ENOX1: variants seen among roughly 807,000 people sequenced by gnomAD.
ENOX1 encodes candidate growth-related and time keeping constitutive hydroquinone (NADH) oxidase.
In ENOX1, 42 loss-of-function variants were observed where a neutral mutation model predicts 82.5. The observed-to-expected ratio is 0.51, with a 90% CI of 0.40 to 0.66. The LOEUF (loss-of-function observed/expected upper bound fraction) is 0.66. Ranked by LOEUF, ENOX1 falls within the 30% of genes least tolerant of loss-of-function variation. The probability of loss-of-function intolerance (pLI) is 0.00; values close to 1 mark genes in which losing one functional copy is unlikely to be tolerated. For missense variants in ENOX1, 608 were observed against 811.6 expected (o/e 0.75, Z 3.05); for synonymous variants, 271 against 282.2 (o/e 0.96, Z 0.40).
chr13:43,341,190 G>C (rs931719473), intron 9 of ENOX1, among the ~76,000 whole-genome samples: 4 of 151,966 alleles, frequency 2.6e-5, no homozygotes, highest in Non-Finnish European at 1.5e-5. Context: ...CCAGCTACTC[G>C]GGAGGCTGAG....
chr13:43,409,435 A>C (rs1477705732), intron 5 of ENOX1, among the ~76,000 whole-genome samples: 4 of 152,210 alleles, frequency 2.6e-5, no homozygotes, highest in African/African-American at 9.6e-5. Flanking sequence ...AGAAAGGAGA[A>C]AGAAAGAAAT....
intron 1 of ENOX1, among the ~76,000 whole-genome samples, chr13:43,730,678 A>C (rs551181081): frequency 2.0e-5 from 3 of 152,230 alleles, no homozygotes; most frequent in Admixed American, 2.0e-4. Flanking sequence ...GACAAAGCCC[A>C]AACTCCCTAG....
chr13:43,418,473 A>G (rs1441025845), intron 3 of ENOX1, among the ~76,000 whole-genome samples: 1 of 152,182 alleles, frequency 6.6e-6, no homozygotes, highest in Non-Finnish European at 1.5e-5. Flanking sequence ...GGTTGCAGTG[A>G]GCTGAGATTG....
At chr13:43,389,472 T>A (rs2153580737) in intron 5 of ENOX1, among the ~76,000 whole-genome samples, 1 of 152,314 alleles carries the variant, frequency 6.6e-6, no homozygotes, top group Non-Finnish European at 1.5e-5. Flanking sequence ...AAATTTAAAA[T>A]ATGCATTCCT....
chr13:43,590,450 C>A (rs531384511), intron 2 of ENOX1, among the ~76,000 whole-genome samples: 2 of 152,158 alleles, frequency 1.3e-5, no homozygotes, highest in African/African-American at 4.8e-5. Context: ...ACATGGTGAA[C>A]ATAAAACCCA....
chr13:43,324,906 A>T (rs1237922242), intron 10 of ENOX1, among the ~76,000 whole-genome samples: 1 of 152,234 alleles, frequency 6.6e-6, no homozygotes, highest in Admixed American at 6.5e-5. Flanking sequence ...CATTCTAATG[A>T]TGGCCTTTTT....
intron 2 of ENOX1, among the ~76,000 whole-genome samples, chr13:43,607,843 T>A (rs997878663): frequency 6.6e-6 from 1 of 152,180 alleles, no homozygotes; most frequent in Non-Finnish European, 1.5e-5. Flanking sequence ...TGGGTAGATA[T>A]AAGGATTCTC....
chr13:43,688,428 T>G (rs142903837), intron 1 of ENOX1, among the ~76,000 whole-genome samples: 1 of 152,098 alleles, frequency 6.6e-6, no homozygotes, highest in East Asian at 1.9e-4. Flanking sequence ...ATTGACCAGA[T>G]GAGAGGTTGG....
At chr13:43,778,185 A>G (rs1421816489) in intron 1 of ENOX1, among the ~76,000 whole-genome samples, 1 of 152,268 alleles carries the variant, frequency 6.6e-6, no homozygotes, top group African/African-American at 2.4e-5. Context: ...TAGTATTCCT[A>G]CATGGGACAA....
At chr13:43,620,373 G>A (rs1244672732) in intron 2 of ENOX1, among the ~76,000 whole-genome samples, 2 of 152,012 alleles carry the variant, frequency 1.3e-5, no homozygotes, top group Non-Finnish European at 2.9e-5. Flanking sequence ...TCTTTTTGAT[G>A]TAGGGGTTTT....
chr13:43,777,268 G>C (rs536280879), intron 1 of ENOX1, among the ~76,000 whole-genome samples: 40 of 152,240 alleles, frequency 2.6e-4, no homozygotes, highest in African/African-American at 9.1e-4. Context: ...TTACAATTAA[G>C]TCAGGACTAG....
At chr13:43,488,702 A>G (rs1032102569) in intron 2 of ENOX1, among the ~76,000 whole-genome samples, 2 of 152,220 alleles carry the variant, frequency 1.3e-5, no homozygotes, top group African/African-American at 4.8e-5. Context: ...AGACTAGAGA[A>G]AGCCTGACTT....
At chr13:43,308,472 A>G (rs2046995713) in intron 11 of ENOX1, among the ~76,000 whole-genome samples, 1 of 152,184 alleles carries the variant, frequency 6.6e-6, no homozygotes, top group Admixed American at 6.5e-5. Context: ...CCTCACAAAA[A>G]AAGTTTCTGC....
intron 3 of ENOX1, among the ~76,000 whole-genome samples, chr13:43,428,174 AC>A (rs1394014441): frequency 6.6e-6 from 1 of 152,196 alleles, no homozygotes; most frequent in Non-Finnish European, 1.5e-5. Context: ...AGCAGAAATC[AC>A]TGCTGAAAGA....
intron 3 of ENOX1, among the ~76,000 whole-genome samples, chr13:43,439,243 T>C (rs2056221737): frequency 6.6e-6 from 1 of 151,660 alleles, no homozygotes; most frequent in South Asian, 2.1e-4. Flanking sequence ...TTTTTCACTT[T>C]TTTTTTTGAG....
At chr13:43,359,263 C>T (rs574144393) in intron 7 of ENOX1, among the ~76,000 whole-genome samples, 59 of 152,292 alleles carry the variant, frequency 3.9e-4, no homozygotes, top group South Asian at 1.7e-3. Context: ...AAAGGCCTTG[C>T]GGACAGACTC....
chr13:43,258,048 T>G (rs796468134), intron 14 of ENOX1, among the ~76,000 whole-genome samples: 110 of 152,280 alleles, frequency 7.2e-4, no homozygotes, highest in African/African-American at 2.6e-3. Flanking sequence ...TACCACCAAC[T>G]CTGGCCCTGA....
chr13:43,754,089 CGT>C (rs1404746897), intron 1 of ENOX1, among the ~76,000 whole-genome samples: 379 of 115,006 alleles, frequency 3.3e-3, no homozygotes, highest in East Asian at 4.8e-3. Context: ...CACATATATA[CGT>C]ATATATGTAT....
At chr13:43,569,376 T>A (rs2080071268) in intron 2 of ENOX1, among the ~76,000 whole-genome samples, 1 of 152,166 alleles carries the variant, frequency 6.6e-6, no homozygotes, top group East Asian at 1.9e-4. Context: ...TAGAGATAGA[T>A]AGATAGAACT....
Sources: gnomAD v4.1 joint callset for allele counts (sites outside exome capture counted in the v4.1 genomes callset) on GRCh38, gnomAD v4.1.1 for gene constraint, MANE v1.5 for transcripts, NCBI Gene and HGNC (gene_info 2026-07-23, HGNC 2026-07-21) for gene names.